PDE4B: variants seen among roughly 807,000 people sequenced by gnomAD.
PDE4B encodes 3',5'-cyclic-AMP phosphodiesterase 4B.
Under a neutral mutation model 82.2 loss-of-function variants are expected in PDE4B, and 20 were observed. The observed-to-expected ratio is 0.24, with a 90% CI of 0.17 to 0.35. The LOEUF (loss-of-function observed/expected upper bound fraction) is 0.35. PDE4B is among the 10% of genes least tolerant of loss of function. The pLI is 1.00. For missense variants in PDE4B, 655 were observed against 907.2 expected, an observed-to-expected ratio of 0.72 and a Z score of 3.57; for synonymous variants, 320 against 318.9, an observed-to-expected ratio of 1.00 and a Z score of -0.04.
chr1:65,945,582 C>G (rs1188229508), intron 3 of PDE4B, among the ~76,000 whole-genome samples: 1 of 151,944 alleles, frequency 6.6e-6, no homozygotes, highest in East Asian at 1.9e-4. Context: ...CTTTCTGTTG[C>G]AAGGAGGTCC....
Position 65,821,665 on chromosome 1 carries a change from C to T in PDE4B, c.-71+28417C>T, listed in dbSNP as rs559968962. Among the ~76,000 whole-genome samples the T allele has an allele frequency of 9.2e-5, 14 of 152,328 alleles. No individual in the cohort carries two copies. The East Asian group carries it at 2.5e-3, about 27-fold the overall frequency. ...ATAATGGTACTAACTTCTCTTTCTA[C>T]AAACAGAAACTCAGAATTGAGTGTC... On this transcript the variant is annotated intron_variant, in intron 1 of 16. Transcript: ENST00000341517.
rs963081682 is a variant in PDE4B, at chr1:65,998,591, G to C, written c.281+79756G>C. 2.6e-5 allele frequency among the ~76,000 whole-genome samples: 4 copies of C among 152,044 alleles called. No homozygotes were observed. The East Asian group carries it at 5.8e-4, about 22-fold the overall frequency. On this transcript the variant is annotated intron_variant, in intron 3 of 16. Coordinates refer to ENST00000341517, the MANE Select transcript of PDE4B (RefSeq NM_002600.4). ...GACTTCTACTTATTTTGTATATCCC[G>C]TAACATTGAAAACTATGCATATGAC...
chr1:66,205,474 A>G (rs1053770956), intron 3 of PDE4B, among the ~76,000 whole-genome samples: 1 of 152,176 alleles, frequency 6.6e-6, no homozygotes, highest in Non-Finnish European at 1.5e-5. Flanking sequence ...GCTTTTTCCA[A>G]TCCATCTTTC....
At chr1:66,128,758 C>T (rs756184449) in intron 3 of PDE4B, among the ~76,000 whole-genome samples, 10 of 152,108 alleles carry the variant, frequency 6.6e-5, no homozygotes, top group African/African-American at 1.7e-4. Context: ...GGAGGTCTCA[C>T]AATCATGGCA....
At chr1:66,220,042 G>A (rs1292295612) in intron 3 of PDE4B, among the ~76,000 whole-genome samples, 2 of 152,138 alleles carry the variant, frequency 1.3e-5, no homozygotes, top group Admixed American at 6.6e-5. Flanking sequence ...AGGCAACAAG[G>A]AATTAAGGGC....
intron 3 of PDE4B, among the ~76,000 whole-genome samples, chr1:66,239,840 A>T (rs1028608341): frequency 6.6e-6 from 1 of 152,250 alleles, no homozygotes; most frequent in African/African-American, 2.4e-5. Flanking sequence ...TGATAGTGAA[A>T]TGTTTACAAC....
chr1:66,095,612 T>C (rs944725443), intron 3 of PDE4B, among the ~76,000 whole-genome samples: 3 of 151,970 alleles, frequency 2.0e-5, no homozygotes, highest in East Asian at 1.9e-4. Context: ...GTGATATTAA[T>C]AGCCATAGCC....
chr1:66,275,473 A>G (rs1655814945), intron 7 of PDE4B, among the ~76,000 whole-genome samples: 1 of 152,212 alleles, frequency 6.6e-6, no homozygotes, highest in Admixed American at 6.5e-5. Flanking sequence ...TGAGAAGGAA[A>G]AAGCAACCTC....
At chr1:66,200,716 A>C (rs1354387805) in intron 3 of PDE4B, among the ~76,000 whole-genome samples, 1 of 152,164 alleles carries the variant, frequency 6.6e-6, no homozygotes, top group East Asian at 1.9e-4. Flanking sequence ...GACTTTGCTG[A>C]AGTTGCTTAT....
At chr1:66,266,665 C>T in intron 7 of PDE4B, 1 of 519,130 alleles carries the variant, frequency 1.9e-6, no homozygotes, top group Non-Finnish European at 3.9e-6. Flanking sequence ...AACCTCTCAT[C>T]TTTCAGGACA....
At chr1:66,282,569 T>A (rs1386280630) in intron 7 of PDE4B, among the ~76,000 whole-genome samples, 1 of 152,222 alleles carries the variant, frequency 6.6e-6, no homozygotes, top group Non-Finnish European at 1.5e-5. Flanking sequence ...AATAATTTGC[T>A]TCTTATGATG....
chr1:66,367,798 T>C lies in PDE4B; in HGVS notation c.1487T>C (p.Met496Thr), dbSNP rs1663356528. The C allele has an allele frequency of 6.2e-7, 1 of 1,613,840 alleles. No homozygotes were observed. Among genetic ancestry groups the C allele is most frequent in the African/African-American group, 1.3e-5 (1 of 74,920 alleles). Residue 496 changes from methionine to threonine, a missense_variant, in exon 14 of 17, where the codon ATG becomes ACG. Met to Thr is a moderately conservative substitution (Grantham distance 81). Around this residue, in one of 3 missense-constraint regions of PDE4B, gnomAD observed 283 missense variants for 516.4 expected, o/e 0.55. Coordinates refer to ENST00000341517, the MANE Select transcript of PDE4B (RefSeq NM_002600.4). ...LLQEEHCDIF[M>T]NLTKKQRQTL... ...CAAGAAGAACACTGTGACATCTTCA[T>C]GAATCTCACCAAGAAGCAGCGTCAG...
chr1:66,198,211 G>A (rs1388546061), intron 3 of PDE4B, among the ~76,000 whole-genome samples: 1 of 152,096 alleles, frequency 6.6e-6, no homozygotes, highest in Non-Finnish European at 1.5e-5. Context: ...ATTCCTGGGG[G>A]TAGAAATCAT....
intron 3 of PDE4B, among the ~76,000 whole-genome samples, chr1:65,993,500 A>G (rs1264738983): frequency 6.6e-6 from 1 of 152,146 alleles, no homozygotes; most frequent in Non-Finnish European, 1.5e-5. Context: ...TGTGATTGTT[A>G]GTGATTTTAA....
intron 3 of PDE4B, among the ~76,000 whole-genome samples, chr1:66,096,760 A>C (rs185694198): frequency 6.6e-5 from 10 of 151,564 alleles, no homozygotes; most frequent in Non-Finnish European, 1.5e-4. Context: ...CACTTCTAAA[A>C]ACTTATTCCT....
At chr1:65,970,604 T>C (rs1427590560) in intron 3 of PDE4B, among the ~76,000 whole-genome samples, 1 of 152,120 alleles carries the variant, frequency 6.6e-6, no homozygotes, top group Non-Finnish European at 1.5e-5. Flanking sequence ...TATGCCAATA[T>C]ACAATTAACA....
At chr1:65,810,173 A>T (rs1469016634) in intron 1 of PDE4B, among the ~76,000 whole-genome samples, 1 of 152,204 alleles carries the variant, frequency 6.6e-6, no homozygotes, top group African/African-American at 2.4e-5. Context: ...TTGATAAATT[A>T]TGGGATATTC....
At chr1:66,369,263 G>A (rs991590553) in intron 16 of PDE4B, among the ~76,000 whole-genome samples, 2 of 152,188 alleles carry the variant, frequency 1.3e-5, no homozygotes, top group Non-Finnish European at 2.9e-5. Flanking sequence ...ATGAACATCA[G>A]TGTCTCCTCC....
chr1:65,886,573 A>G (rs1370424826), intron 1 of PDE4B, among the ~76,000 whole-genome samples: 1 of 152,124 alleles, frequency 6.6e-6, no homozygotes, highest in African/African-American at 2.4e-5. Context: ...GGTATCTATT[A>G]TTCTACTGTC....
Sources: allele counts gnomAD v4.1 joint callset (sites outside exome capture counted in the v4.1 genomes callset), GRCh38; gene constraint gnomAD v4.1.1; regional missense constraint gnomAD v4.1.1; transcripts MANE v1.5; gene names NCBI Gene and HGNC (gene_info 2026-07-23, HGNC 2026-07-21).